The following COG5 variants were observed in gnomAD, a reference collection of about 807,000 sequenced individuals.
COG5 encodes component of oligomeric golgi complex 5.
Under a neutral mutation model 110.4 loss-of-function variants are expected in COG5, and 86 were observed. The observed-to-expected ratio is 0.78, with a 90% CI of 0.65 to 0.93. COG5 has a LOEUF of 0.93. Ranked by LOEUF, COG5 falls within the 40% of genes least tolerant of loss-of-function variation. The pLI is 0.00. For missense variants in COG5, 1,077 were observed against 987.0 expected (o/e 1.09, Z -1.22); for synonymous variants, 360 against 334.6 (o/e 1.08, Z -0.83).
In COG5 at chr7:107,296,062, G is replaced by C. The variant is rs575350733; in HGVS notation, c.1313+2080C>G. Reference sequence around the variant, plus strand: ...CCCACGTTGGCCTTCCAAAGTTCACGGTCTTTCTTCTTTCTTTTCCTTCCC... The same window carrying C: ...CCCACGTTGGCCTTCCAAAGTTCACCGTCTTTCTTCTTTCTTTTCCTTCCC... On this transcript the variant is annotated intron_variant, in intron 12 of 21. Coordinates refer to ENST00000297135, the MANE Select transcript of COG5 (RefSeq NM_006348.5). Among the ~76,000 whole-genome samples, 304 of 151,828 alleles carry C rather than the reference G, an allele frequency of 2.0e-3. 2 individuals carry two copies. Among genetic ancestry groups the C allele is most frequent in the African/African-American group, 6.9e-3 (286 of 41,382 alleles).
chr7:107,389,289 G>A (rs1396817795), intron 7 of COG5, among the ~76,000 whole-genome samples: 5 of 150,132 alleles, frequency 3.3e-5, no homozygotes, highest in African/African-American at 7.6e-5. Context: ...GCTTGGCTAG[G>A]AGGGATAGAT....
intron 7 of COG5, among the ~76,000 whole-genome samples, chr7:107,381,485 T>C (rs929687436): frequency 6.6e-6 from 1 of 152,234 alleles, no homozygotes; most frequent in Non-Finnish European, 1.5e-5. Flanking sequence ...GGTTAAGTTA[T>C]TGGAAACCAT....
At chr7:107,356,424 G>C (rs961167311) in intron 10 of COG5, among the ~76,000 whole-genome samples, 1 of 152,194 alleles carries the variant, frequency 6.6e-6, no homozygotes, top group Admixed American at 6.5e-5. Flanking sequence ...TTTCAGCCAA[G>C]TGTGGTGGTG....
chr7:107,335,445 T>C (rs1283464928), intron 10 of COG5, among the ~76,000 whole-genome samples: 2 of 152,034 alleles, frequency 1.3e-5, no homozygotes, highest in African/African-American at 4.8e-5. Context: ...CTCATAATAA[T>C]GATTCAAAAG....
At chr7:107,499,140 T>G (rs1446213801) in intron 6 of COG5, among the ~76,000 whole-genome samples, 1 of 152,014 alleles carries the variant, frequency 6.6e-6, no homozygotes, top group Non-Finnish European at 1.5e-5. Context: ...TGCCAGGGGC[T>G]GGGGGAGAGG....
intron 6 of COG5, among the ~76,000 whole-genome samples, chr7:107,462,802 C>G (rs752293196): frequency 6.6e-6 from 1 of 152,114 alleles, no homozygotes; most frequent in East Asian, 1.9e-4. Flanking sequence ...TGATGGCAAT[C>G]TGGGAGGTAC....
At chr7:107,344,016 T>C (rs1411326550) in intron 10 of COG5, among the ~76,000 whole-genome samples, 3 of 152,136 alleles carry the variant, frequency 2.0e-5, no homozygotes, top group Non-Finnish European at 2.9e-5. Context: ...TTAAAGGCCC[T>C]AGGATTTGTG....
At chr7:107,330,225 G>A (rs1466358871) in intron 10 of COG5, among the ~76,000 whole-genome samples, 1 of 152,098 alleles carries the variant, frequency 6.6e-6, no homozygotes, top group Non-Finnish European at 1.5e-5. Context: ...TTGTTTCTTG[G>A]TTATAAATAC....
intron 10 of COG5, among the ~76,000 whole-genome samples, chr7:107,342,017 T>C (rs772306390): frequency 2.6e-5 from 4 of 151,978 alleles, no homozygotes; most frequent in Non-Finnish European, 5.9e-5. Context: ...AACAAAAACA[T>C]TGACAAAGTG....
Position 107,367,647 on chromosome 7 carries a change from G to A in COG5, c.835+4948C>T, listed in dbSNP as rs2299424. Among the ~76,000 whole-genome samples the A allele has an allele frequency of 7.0e-3, 1,070 of 152,138 alleles. 25 individuals carry two copies. In the East Asian group the frequency reaches 0.073, roughly 10 times the overall value. On this transcript the variant is annotated intron_variant, in intron 8 of 21. Coordinates refer to ENST00000297135, the MANE Select transcript of COG5 (RefSeq NM_006348.5). ...AATATCTTTTGCAGCAACTTGGATG[G>A]AACAAGTGGCCATTATTCTAAGTGA... is the stretch of plus-strand genomic sequence containing the variant.
chr7:107,493,668 T>C (rs1301890546), intron 6 of COG5, among the ~76,000 whole-genome samples: 1 of 152,152 alleles, frequency 6.6e-6, no homozygotes, highest in Non-Finnish European at 1.5e-5. Flanking sequence ...AGATGATATC[T>C]TCTAGAAAGC....
intron 7 of COG5, among the ~76,000 whole-genome samples, chr7:107,377,123 GATAC>G (rs1343010535): frequency 1.3e-5 from 2 of 151,970 alleles, no homozygotes; most frequent in African/African-American, 4.8e-5. Context: ...TCAATTCTTG[GATAC>G]AGTTTACATA....
chr7:107,437,198 G>A (rs1794420290), intron 6 of COG5, among the ~76,000 whole-genome samples: 1 of 152,146 alleles, frequency 6.6e-6, no homozygotes. Flanking sequence ...TTACAACAGT[G>A]TAAGGCATTA....
At chr7:107,225,135 C>T (rs765046021) in intron 19 of COG5, among the ~76,000 whole-genome samples, 45 of 152,204 alleles carry the variant, frequency 3.0e-4, no homozygotes, top group South Asian at 1.5e-3. Context: ...TGAAGGGACC[C>T]CTGAACTGAG....
At chr7:107,449,859 A>C (rs1238587005) in intron 6 of COG5, among the ~76,000 whole-genome samples, 1 of 152,204 alleles carries the variant, frequency 6.6e-6, no homozygotes, top group Non-Finnish European at 1.5e-5. Context: ...TCTCATATTG[A>C]AAATGTAGCT....
At chr7:107,434,384 G>A (rs1794222607) in intron 6 of COG5, among the ~76,000 whole-genome samples, 1 of 152,140 alleles carries the variant, frequency 6.6e-6, no homozygotes, top group Non-Finnish European at 1.5e-5. Flanking sequence ...GTTCACTGCA[G>A]CTATTATTCA....
intron 6 of COG5, among the ~76,000 whole-genome samples, chr7:107,497,748 T>C (rs1444520292): frequency 6.6e-6 from 1 of 152,158 alleles, no homozygotes; most frequent in Non-Finnish European, 1.5e-5. Flanking sequence ...ATGCAATCCC[T>C]ATCTAAATCC....
intron 19 of COG5, among the ~76,000 whole-genome samples, chr7:107,215,197 A>T (rs1457631251): frequency 3.3e-5 from 5 of 152,182 alleles, no homozygotes; most frequent in Non-Finnish European, 7.3e-5. Context: ...ACCACTACAG[A>T]AAACAATCAG....
intron 8 of COG5, among the ~76,000 whole-genome samples, chr7:107,370,351 C>T (rs57784799): frequency 0.64 from 97,610 of 151,978 alleles, 33,468 homozygotes; most frequent in African/African-American, 0.91. Flanking sequence ...CCTGAACCAC[C>T]TGGAAGTTAC....
Sources: gnomAD v4.1 joint callset for allele counts (sites outside exome capture counted in the v4.1 genomes callset) on GRCh38, gnomAD v4.1.1 for gene constraint, MANE v1.5 for transcripts, NCBI Gene and HGNC (gene_info 2026-07-23, HGNC 2026-07-21) for gene names.